The following MYO10 variants were observed in gnomAD, a reference collection of about 807,000 sequenced individuals.
The protein encoded by MYO10 is myosin X.
Under a neutral mutation model 257.3 loss-of-function variants are expected in MYO10, and 133 were observed. That is an observed-to-expected ratio of 0.52 (90% confidence interval 0.45 to 0.60). The LOEUF (loss-of-function observed/expected upper bound fraction) is 0.60. Ranked by LOEUF, MYO10 falls within the 20% of genes least tolerant of loss-of-function variation. The pLI is 0.00. For synonymous variants in MYO10, 1,104 were observed against 1,028.6 expected (o/e 1.07, Z -1.40); for missense variants, 2,399 against 2,635.7 (o/e 0.91, Z 1.97).
At chr5:16,692,305 A>G (rs1377206122) in intron 27 of MYO10, among the ~76,000 whole-genome samples, 1 of 152,142 alleles carries the variant, frequency 6.6e-6, no homozygotes, top group Non-Finnish European at 1.5e-5. Flanking sequence ...CTGTAATCCC[A>G]GCTACTCAGG....
chr5:16,748,942 C>T (rs1002865104), intron 19 of MYO10, among the ~76,000 whole-genome samples: 1 of 151,896 alleles, frequency 6.6e-6, no homozygotes, highest in African/African-American at 2.4e-5. Flanking sequence ...ACAGAAGACC[C>T]CTGTGTGAGA....
At chr5:16,878,774 T>A (rs556719300) in intron 1 of MYO10, among the ~76,000 whole-genome samples, 2 of 152,034 alleles carry the variant, frequency 1.3e-5, no homozygotes, top group Non-Finnish European at 2.9e-5. Flanking sequence ...AAGTGGGAGC[T>A]AAGCTATGAG....
intron 8 of MYO10, 100 bp from the exon 9 acceptor site, chr5:16,779,748 C>T (rs1741342277): frequency 3.0e-6 from 2 of 660,210 alleles, no homozygotes; most frequent in Non-Finnish European, 5.1e-6. Context: ...TAATTCTGTG[C>T]TCTTAACAGT....
At chr5:16,794,918 CAG>C (rs773518402) in intron 3 of MYO10, 85 bp from the exon 4 acceptor site, 1 of 1,103,528 alleles carries the variant, frequency 9.1e-7, no homozygotes, top group Non-Finnish European at 1.2e-6. Flanking sequence ...GAGTGTGCGC[CAG>C]GGGGAAAGAC....
Position 16,842,682 on chromosome 5 carries a change from T to C in MYO10, c.121-24515A>G, listed in dbSNP as rs149369791. 5.2e-3 allele frequency among the ~76,000 whole-genome samples: 795 copies of C among 152,264 alleles called. 5 individuals carry two copies. The highest frequency in any genetic ancestry group is 0.018 in the African/African-American group (746 of 41,546). Reference sequence around the variant, plus strand: ...GTTCACGCCTGTCATCCCAGCACTCTGGAAGGCCAAGATGGGAGGATCGCT... The same window carrying C: ...GTTCACGCCTGTCATCCCAGCACTCCGGAAGGCCAAGATGGGAGGATCGCT... On this transcript the variant is annotated intron_variant, in intron 2 of 40. Transcript: ENST00000513610.
Position 16,766,060 on chromosome 5 carries a change from A to G in MYO10, c.1179+20T>C, listed in dbSNP as rs761859650. 1.9e-6 allele frequency: 3 copies of G among 1,559,856 alleles called. No individual in the cohort carries two copies. The highest frequency in any genetic ancestry group is 2.2e-5 in the South Asian group (2 of 89,760). On this transcript the variant is annotated intron_variant, in intron 11 of 40. Coordinates refer to ENST00000513610, the MANE Select transcript of MYO10 (RefSeq NM_012334.3). ...CAGGAGTGTCTAGTAACGCAAGATC[A>G]GATGGCAAAGCGTGTGTACCTGTTG... is the stretch of plus-strand genomic sequence containing the variant.
intron 1 of MYO10, among the ~76,000 whole-genome samples, chr5:16,915,244 C>T (rs1471907330): frequency 6.6e-6 from 1 of 152,124 alleles, no homozygotes; most frequent in African/African-American, 2.4e-5. Context: ...CCAGGGAACA[C>T]AACTGGGTTC....
chr5:16,790,614 T>TG (rs2126677404), intron 4 of MYO10, among the ~76,000 whole-genome samples: 2 of 152,294 alleles, frequency 1.3e-5, no homozygotes, highest in South Asian at 4.1e-4. Context: ...CTTCCATCCA[T>TG]GTAAGACGTG....
intron 19 of MYO10, among the ~76,000 whole-genome samples, chr5:16,749,945 G>C (rs1363070654): frequency 6.6e-6 from 1 of 152,212 alleles, no homozygotes; most frequent in East Asian, 1.9e-4. Flanking sequence ...ACCAGGCAGG[G>C]ACACCCTTGG....
At chr5:16,926,269 A>G (rs143045167) in intron 1 of MYO10, among the ~76,000 whole-genome samples, 268 of 152,364 alleles carry the variant, frequency 1.8e-3, no homozygotes, top group African/African-American at 6.2e-3. Context: ...ACTTTGTAGT[A>G]CTTCTTAAAA....
At chr5:16,780,399 T>C (rs1256675314) in intron 8 of MYO10, 125 bp downstream of exon 8, 11 of 875,968 alleles carry the variant, frequency 1.3e-5, no homozygotes, top group Non-Finnish European at 3.6e-6. Flanking sequence ...GGTGTTCGCA[T>C]AGTGTACATT....
chr5:16,780,529 T>C lies in MYO10; in HGVS notation c.821A>G (p.Glu274Gly), dbSNP rs1741391978. ...CCAGCTGTCGTCCCACTCACCTCTT[T>C]CTTCATGTTCCAGCCCTGCCAGCAG... ...YALLAGLEHE[E>G]REEFYLSTPE... Residue 274 changes from glutamate (E) to glycine (G), a missense_variant, in exon 8 of 41, where the codon GAA (glutamate) becomes GGA (glycine). This residue lies in a region of MYO10 where 337 missense variants were observed against 446.8 expected (regional missense o/e 0.75). Coordinates refer to ENST00000513610, the MANE Select transcript of MYO10 (RefSeq NM_012334.3). The C allele has an allele frequency of 1.3e-6, 2 of 1,576,734 alleles. No individual in the cohort carries two copies. Among genetic ancestry groups the C allele is most frequent in the African/African-American group, 1.3e-5 (1 of 74,464 alleles).
chr5:16,902,079 C>T (rs770322349), intron 1 of MYO10, among the ~76,000 whole-genome samples: 12 of 151,938 alleles, frequency 7.9e-5, no homozygotes, highest in East Asian at 3.8e-4. Context: ...TGTTTTGAGA[C>T]AGATTTTCCA....
intron 1 of MYO10, among the ~76,000 whole-genome samples, chr5:16,913,746 G>C (rs17614462): frequency 1.3e-5 from 2 of 152,126 alleles, no homozygotes; most frequent in Admixed American, 6.6e-5. Flanking sequence ...ACCAGGATAC[G>C]TAAGTATGAG....
intron 19 of MYO10, among the ~76,000 whole-genome samples, chr5:16,716,276 A>T (rs1738867424): frequency 6.6e-6 from 1 of 152,066 alleles, no homozygotes; most frequent in Non-Finnish European, 1.5e-5. Flanking sequence ...ATTAATAATG[A>T]TTAATAACAG....
intron 29 of MYO10, among the ~76,000 whole-genome samples, chr5:16,685,022 G>GCGAGA (rs1737183411): frequency 6.6e-6 from 1 of 151,944 alleles, no homozygotes; most frequent in Admixed American, 6.6e-5. Flanking sequence ...CTTCAGCCTG[G>GCGAGA]GTGACAGAGT....
intron 10 of MYO10, among the ~76,000 whole-genome samples, chr5:16,767,288 A>T (rs762270143): frequency 6.7e-6 from 1 of 149,108 alleles, no homozygotes; most frequent in Non-Finnish European, 1.5e-5. Flanking sequence ...CTCTTGCCTC[A>T]GCTTCCCAAG....
intron 11 of MYO10, among the ~76,000 whole-genome samples, chr5:16,764,740 G>A (rs1740815198): frequency 6.6e-6 from 1 of 152,146 alleles, no homozygotes; most frequent in Admixed American, 6.5e-5. Flanking sequence ...CCAGGCTGGA[G>A]TGCAATGGCG....
chr5:16,702,602 AG>A lies in MYO10; in HGVS notation c.2511-15del, dbSNP rs34009230. The A allele has an allele frequency of 3.4e-5, 53 of 1,569,358 alleles. No homozygotes were observed. The highest frequency in any genetic ancestry group is 4.4e-5 in the Non-Finnish European group (51 of 1,156,484). On this transcript the variant is annotated splice_polypyrimidine_tract_variant and intron_variant, in intron 23 of 40. Coordinates refer to ENST00000513610, the MANE Select transcript of MYO10 (RefSeq NM_012334.3). ...CTCTCTCTTTCTCTAAAAATAGTAA[AG>A]GAAAAGTGAAAATCAACAACAATAA...
Sources: gnomAD v4.1 joint callset for allele counts (sites outside exome capture counted in the v4.1 genomes callset) on GRCh38, gnomAD v4.1.1 for gene constraint, gnomAD v4.1.1 regional missense constraint, MANE v1.5 for transcripts, NCBI Gene and HGNC (gene_info 2026-07-23, HGNC 2026-07-21) for gene names.